Variants in PCDHGB7 observed in about 807,000 individuals in gnomAD.
PCDHGB7 encodes protocadherin gamma-B7.
PCDHGB7 carries 37 observed loss-of-function variants against 61.4 expected under a neutral mutation model. That is an observed-to-expected ratio of 0.60 (90% CI 0.46 to 0.79). PCDHGB7 has a LOEUF of 0.79. Ranked by LOEUF, PCDHGB7 falls within the 30% of genes least tolerant of loss-of-function variation. PCDHGB7 has a pLI of 0.00. For synonymous variants in PCDHGB7, 464 were observed against 503.5 expected (o/e 0.92, Z 1.05); for missense variants, 1,166 against 1,202.5 (o/e 0.97, Z 0.45).
At chr5:141,474,834 A>G (rs557557147) in intron 1 of PCDHGB7, among the ~76,000 whole-genome samples, 4 of 152,380 alleles carry the variant, frequency 2.6e-5, no homozygotes, top group South Asian at 4.1e-4. Context: ...ACTCTGTGCC[A>G]GGCACTTTAC....
At chr5:141,449,021 C>T (rs897401758) in intron 1 of PCDHGB7, among the ~76,000 whole-genome samples, 3 of 152,104 alleles carry the variant, frequency 2.0e-5, no homozygotes, top group Non-Finnish European at 4.4e-5. Context: ...AGTTGCTTAG[C>T]ATTCCTTTGG....
chr5:141,509,148 C>T (rs1345910772), intron 3 of PCDHGB7, among the ~76,000 whole-genome samples: 1 of 152,198 alleles, frequency 6.6e-6, no homozygotes, highest in Non-Finnish European at 1.5e-5. Context: ...CATCCCGGCT[C>T]TCCCCTCCCG....
chr5:141,447,064 C>T (rs1453083716), intron 1 of PCDHGB7, among the ~76,000 whole-genome samples: 1 of 152,064 alleles, frequency 6.6e-6, no homozygotes, highest in Non-Finnish European at 1.5e-5. Context: ...ATGTGTCAGG[C>T]TGTTTTAATT....
chr5:141,482,593 G>A (rs1314658005), intron 1 of PCDHGB7, among the ~76,000 whole-genome samples: 4 of 149,900 alleles, frequency 2.7e-5, no homozygotes, highest in Non-Finnish European at 5.9e-5. Flanking sequence ...GGGACCAAAC[G>A]GGAAAAAACA....
At chr5:141,484,362 A>T (rs1460176695) in intron 1 of PCDHGB7, among the ~76,000 whole-genome samples, 1 of 152,196 alleles carries the variant, frequency 6.6e-6, no homozygotes, top group Non-Finnish European at 1.5e-5. Context: ...TATCTAGTGT[A>T]TCACTAGCAA....
chr5:141,425,566 G>T (rs532293951), intron 1 of PCDHGB7, among the ~76,000 whole-genome samples: 1 of 152,348 alleles, frequency 6.6e-6, no homozygotes, highest in Admixed American at 6.5e-5. Context: ...TAAGTGATAA[G>T]AAGGGTTTGG....
intron 1 of PCDHGB7, among the ~76,000 whole-genome samples, chr5:141,425,219 G>T (rs779272038): frequency 2.0e-5 from 3 of 152,148 alleles, no homozygotes; most frequent in Non-Finnish European, 2.9e-5. Context: ...ATTGTACTTT[G>T]ACTGGAATTA....
In PCDHGB7 at chr5:141,431,019, C is replaced by A. The variant is rs1368671750; in HGVS notation, c.2415+10745C>A. 1 of 1,613,488 alleles carries A rather than the reference C, an allele frequency of 6.2e-7. No individual in the cohort carries two copies. The highest frequency in any genetic ancestry group is 1.7e-5 in the Admixed American group (1 of 59,968). ...CCGCGCAGCGGCAGCTTGGTCACGG[C>A]GGGCAGGATAGACCGGGAGGAGCTC... On this transcript the variant is annotated intron_variant, in intron 1 of 3. Transcript: ENST00000398594. The surrounding 1 kb of genome is among the most constrained non-coding windows in gnomAD (Gnocchi z 4.8).
chr5:141,459,289 A>G (rs2098965378), intron 1 of PCDHGB7, among the ~76,000 whole-genome samples: 1 of 152,216 alleles, frequency 6.6e-6, no homozygotes, highest in Non-Finnish European at 1.5e-5. Flanking sequence ...ATCTAAATGG[A>G]ATCCTATAAC....
chr5:141,481,871 G>T (rs372191396), intron 1 of PCDHGB7, among the ~76,000 whole-genome samples: 1 of 144,788 alleles, frequency 6.9e-6, no homozygotes, highest in Non-Finnish European at 1.5e-5. Context: ...CCGAGATCGC[G>T]CCACTGCACT....
rs2154547454 is a variant in PCDHGB7 at position 141,418,026 on chromosome 5, T to A, written c.167T>A (p.Leu56His). The A allele has an allele frequency of 6.2e-7, 1 of 1,613,962 alleles. No individual in the cohort carries two copies. Among genetic ancestry groups the A allele is most frequent in the East Asian group, 2.2e-5 (1 of 44,880 alleles). ...GGGAACCTCGCTAAGGATCTAGGGCTTAGTGTCCTGGATGTGTCGGCTCGC... is the reference window on the plus strand; with the variant it reads ...GGGAACCTCGCTAAGGATCTAGGGCATAGTGTCCTGGATGTGTCGGCTCGC... ...VVGNLAKDLG[L>H]SVLDVSAREL... is the part of the protein sequence containing the mutation. The change falls in exon 1 of 4, where the codon CTT becomes CAT. Residue 56 changes from leucine (L) to histidine (H), a missense_variant. Coordinates refer to ENST00000398594, the MANE Select transcript of PCDHGB7 (RefSeq NM_018927.4).
chr5:141,428,037 C>T, intron 1 of PCDHGB7: 1 of 1,608,458 alleles, frequency 6.2e-7, no homozygotes, highest in South Asian at 1.1e-5. Context: ...GTCCGGCTAC[C>T]TGGTGACCAA....
rs760169796 is a variant in PCDHGB7, at chr5:141,418,649, G to A, written c.790G>A (p.Val264Met). ...GCCTCCAGGCACCTCCATCCTGAGAGTGAAGGCCACTGACCAGGACGAGGG... is the reference window on the plus strand; with the variant it reads ...GCCTCCAGGCACCTCCATCCTGAGAATGAAGGCCACTGACCAGGACGAGGG... ...DVPPGTSILR[V>M]KATDQDEGIN... Residue 264 changes from valine (V) to methionine (M), a missense_variant, in exon 1 of 4, where the codon GTG becomes ATG. Val to Met is a conservative substitution (Grantham distance 21). Transcript: ENST00000398594. The A allele has an allele frequency of 1.9e-6, 3 of 1,613,926 alleles. No individual in the cohort carries two copies. The highest frequency in any genetic ancestry group is 2.5e-6 in the Non-Finnish European group (3 of 1,179,892).
rs777924092 is a variant in PCDHGB7 at position 141,487,482 on chromosome 5, A to T, written c.2416-7325A>T. The T allele has an allele frequency of 1.2e-6, 2 of 1,614,164 alleles. No individual in the cohort carries two copies. Among genetic ancestry groups the T allele is most frequent in the South Asian group, 2.2e-5 (2 of 91,086 alleles). ...TTTGTTGATGTGGGAGGCCACTCTCATGGCTGTACACCCTTGGCTTCTGCA... is the reference window on the plus strand; with the variant it reads ...TTTGTTGATGTGGGAGGCCACTCTCTTGGCTGTACACCCTTGGCTTCTGCA... On this transcript the variant is annotated intron_variant, in intron 1 of 3. Coordinates refer to ENST00000398594, the MANE Select transcript of PCDHGB7 (RefSeq NM_018927.4). The surrounding 1 kb of genome is among the most constrained non-coding windows in gnomAD (Gnocchi z 5.0).
At chr5:141,499,029 A>AAGGAAGGAAGGAAGG (rs1562187768) in intron 2 of PCDHGB7, among the ~76,000 whole-genome samples, 10 of 139,968 alleles carry the variant, frequency 7.1e-5, no homozygotes, top group African/African-American at 2.8e-4. Context: ...AGGAAGGAAG[A>AAGGAAGGAAGGAAGG]AAAGAAAGAA....
chr5:141,495,080 G>A (rs73794925), intron 2 of PCDHGB7, among the ~76,000 whole-genome samples: 1 of 152,258 alleles, frequency 6.6e-6, no homozygotes, highest in African/African-American at 2.4e-5. Flanking sequence ...TCACATGCTT[G>A]CCCCTTCCCT....
chr5:141,429,390 A>ATT (rs1561841316), intron 1 of PCDHGB7, among the ~76,000 whole-genome samples: 8 of 150,216 alleles, frequency 5.3e-5, no homozygotes, highest in African/African-American at 1.7e-4. Flanking sequence ...TTTTTTTTAA[A>ATT]AAAAATTGAG....
chr5:141,423,630 T>C, intron 1 of PCDHGB7: 1 of 1,603,994 alleles, frequency 6.2e-7, no homozygotes, highest in Non-Finnish European at 8.5e-7. Flanking sequence ...CAGCTATCAT[T>C]TTAGGCAAAT....
At chr5:141,420,965 TA>T (rs1468739825) in intron 1 of PCDHGB7, 6 of 433,892 alleles carry the variant, frequency 1.4e-5, no homozygotes, top group African/African-American at 1.0e-4. Flanking sequence ...GTCGTTGCAA[TA>T]ATAAGAATGG....
Sources: gnomAD v4.1 joint callset for allele counts (sites outside exome capture counted in the v4.1 genomes callset) on GRCh38, gnomAD v4.1.1 for gene constraint, Gnocchi (gnomAD v3.1) non-coding constraint, MANE v1.5 for transcripts, NCBI Gene and HGNC (gene_info 2026-07-23, HGNC 2026-07-21) for gene names.